The following DCAF8 variants were observed in gnomAD, a reference collection of about 807,000 sequenced individuals.
DCAF8 encodes the protein DDB1 and CUL4 associated factor 8.
In DCAF8, 20 loss-of-function variants were observed where a neutral mutation model predicts 68.0. The ratio of observed to expected loss-of-function variants is 0.29; its 90% CI spans 0.21 to 0.43. The LOEUF is 0.43. Ranked by LOEUF, DCAF8 falls within the 20% of genes least tolerant of loss-of-function variation. DCAF8 has a pLI of 1.00. For synonymous variants in DCAF8, 230 were observed against 276.9 expected (o/e 0.83, Z 1.68); for missense variants, 460 against 771.0 (o/e 0.60, Z 4.78).
chr1:160,223,353 G>A (rs1408639869), intron 10 of DCAF8, among the ~76,000 whole-genome samples: 1 of 152,142 alleles, frequency 6.6e-6, no homozygotes, highest in Admixed American at 6.5e-5. Context: ...TTATCTGCCT[G>A]TGTACTGAGA....
chr1:160,257,524 G>A (rs537068187), intron 2 of DCAF8, among the ~76,000 whole-genome samples: 11 of 152,172 alleles, frequency 7.2e-5, no homozygotes, highest in African/African-American at 1.4e-4. Flanking sequence ...CTTAGAGCAC[G>A]AAACTCAAGA....
chr1:160,220,322 T>C (rs1305110596), intron 11 of DCAF8: 2 of 152,232 alleles, frequency 1.3e-5, no homozygotes, highest in East Asian at 1.9e-4. Flanking sequence ...AATAAGCCCT[T>C]GTTACAGACC....
chr1:160,248,099 A>G (rs1349315955), intron 2 of DCAF8, among the ~76,000 whole-genome samples: 1 of 152,100 alleles, frequency 6.6e-6, no homozygotes, highest in Non-Finnish European at 1.5e-5. Context: ...TGAGGTCAGG[A>G]GTTCGAGATC....
intron 2 of DCAF8, among the ~76,000 whole-genome samples, chr1:160,257,205 T>C (rs946158043): frequency 1.3e-5 from 2 of 152,136 alleles, no homozygotes; most frequent in African/African-American, 2.4e-5. Flanking sequence ...ATTAATTCAG[T>C]TGCCTGTGTT....
At chr1:160,234,233 A>C (rs1056940806) in intron 6 of DCAF8, among the ~76,000 whole-genome samples, 3 of 120,586 alleles carry the variant, frequency 2.5e-5, no homozygotes, top group African/African-American at 1.1e-4. Flanking sequence ...AAAGAGTGAG[A>C]CTGCACCTCA....
chr1:160,231,342 G>A lies in DCAF8; in HGVS notation c.1025C>T (p.Ala342Val). The A allele has an allele frequency of 1.2e-6, 2 of 1,614,088 alleles. No homozygotes were observed. Among genetic ancestry groups the A allele is most frequent in the Non-Finnish European group, 1.7e-6 (2 of 1,179,994 alleles). Residue 342 changes from alanine to valine, a missense_variant, in exon 7 of 14, where the codon GCC becomes GTC. Ala to Val is a moderately conservative substitution (Grantham distance 64). Around this residue, in one of 8 missense-constraint regions of DCAF8, gnomAD observed 170 missense variants for 318.2 expected, o/e 0.53. Coordinates refer to ENST00000368074, the MANE Select transcript of DCAF8 (RefSeq NM_015726.4). ...VGLYTIYVNP[A>V]NTHQFAVGGR... ...ACCCACTGCAAACTGGTGGGTATTG[G>A]CAGGATTCACATAGATCGTATACAG...
intron 5 of DCAF8, 86 bp downstream of exon 5, chr1:160,238,521 C>A (rs1655970905): frequency 1.4e-6 from 2 of 1,407,058 alleles, no homozygotes; most frequent in East Asian, 2.6e-5. Context: ...ACAAATGTGA[C>A]ACAATGGGCA....
intron 6 of DCAF8, among the ~76,000 whole-genome samples, chr1:160,235,724 A>T (rs1655848893): frequency 6.6e-6 from 1 of 151,862 alleles, no homozygotes; most frequent in South Asian, 2.1e-4. Context: ...AAAGGTGTTC[A>T]AAATTACTTA....
intron 2 of DCAF8, among the ~76,000 whole-genome samples, chr1:160,245,200 T>C (rs2101750838): frequency 6.6e-6 from 1 of 152,366 alleles, no homozygotes; most frequent in East Asian, 1.9e-4. Flanking sequence ...ACTCACTTCC[T>C]TTTATGCCAC....
At chr1:160,245,725 T>C (rs1656298915) in intron 2 of DCAF8, among the ~76,000 whole-genome samples, 1 of 152,198 alleles carries the variant, frequency 6.6e-6, no homozygotes, top group African/African-American at 2.4e-5. Flanking sequence ...ATTTTTGAGG[T>C]AGACAGTTTT....
rs568303564 is a variant in DCAF8 at position 160,237,635 on chromosome 1, T to G, written c.865-406A>C. Among the ~76,000 whole-genome samples, 20 of 152,246 alleles carry G rather than the reference T, an allele frequency of 1.3e-4. No individual in the cohort carries two copies. The South Asian group carries it at 3.9e-3, about 30-fold the overall frequency. ...TCAACCTTGTGGGCTTAAGTGATCCTCCCACCTCAGCTGCCCAAGTAGCTG... is the reference window on the plus strand; with the variant it reads ...TCAACCTTGTGGGCTTAAGTGATCCGCCCACCTCAGCTGCCCAAGTAGCTG... On this transcript the variant is annotated intron_variant, in intron 5 of 13. Coordinates refer to ENST00000368074, the MANE Select transcript of DCAF8 (RefSeq NM_015726.4).
At chr1:160,224,395 C>T in intron 10 of DCAF8, 47 bp downstream of exon 10, 19 of 1,472,220 alleles carry the variant, frequency 1.3e-5, no homozygotes, top group Non-Finnish European at 1.7e-5. Flanking sequence ...TGTGGTTCTC[C>T]AAAGCCAACA....
chr1:160,219,140 C>T (rs1655217117), intron 11 of DCAF8, 172 bp from the exon 12 acceptor site: 2 of 788,684 alleles, frequency 2.5e-6, no homozygotes, highest in African/African-American at 3.5e-5. Context: ...GGTAGAGAAA[C>T]CAGACACAGA....
chr1:160,255,712 T>C (rs1656809022), intron 2 of DCAF8, among the ~76,000 whole-genome samples: 1 of 152,134 alleles, frequency 6.6e-6, no homozygotes, highest in Non-Finnish European at 1.5e-5. Flanking sequence ...CTCTGCCTTC[T>C]GGGTTCAAGC....
chr1:160,218,327 G>T lies in DCAF8; in HGVS notation c.1674C>A (p.His558Gln). ...TTCATTTCCAACCCTAGCTTACCCG[G>T]TGATGGCGTCTCTGTCTCAGGTGAT... Reference protein sequence around the residue: ...LMHHLRQRRHHRRWREPGVGA... With the variant: ...LMHHLRQRRHQRRWREPGVGA... The change falls in exon 13 of 14, where the codon CAC becomes CAA. Residue 558 changes from histidine (H) to glutamine (Q), a missense_variant. His to Gln is a conservative substitution (Grantham distance 24, BLOSUM62 0). Around this residue, in one of 8 missense-constraint regions of DCAF8, gnomAD observed 80 missense variants for 115.1 expected, o/e 0.70. Transcript: ENST00000368074. The T allele has an allele frequency of 6.2e-7, 1 of 1,613,006 alleles. No homozygotes were observed. The highest frequency in any genetic ancestry group is 8.5e-7 in the Non-Finnish European group (1 of 1,178,978).
chr1:160,218,265 C>G, intron 13 of DCAF8, 59 bp downstream of exon 13: 1 of 1,381,124 alleles, frequency 7.2e-7, no homozygotes, highest in Non-Finnish European at 1.0e-6. Context: ...TACTCTGGAA[C>G]TTTTTAGCCC....
intron 6 of DCAF8, among the ~76,000 whole-genome samples, chr1:160,233,443 A>T (rs963656073): frequency 3.3e-5 from 5 of 152,210 alleles, no homozygotes; most frequent in Non-Finnish European, 7.3e-5. Context: ...AATGAATGTC[A>T]TTAGGGGAAA....
At chr1:160,257,253 C>T (rs1224196979) in intron 2 of DCAF8, among the ~76,000 whole-genome samples, 3 of 150,636 alleles carry the variant, frequency 2.0e-5, no homozygotes, top group Non-Finnish European at 4.4e-5. Flanking sequence ...TATCTTAGCT[C>T]ACTGATAATC....
chr1:160,258,008 C>T (rs1233246547), intron 2 of DCAF8, among the ~76,000 whole-genome samples: 3 of 152,172 alleles, frequency 2.0e-5, no homozygotes, highest in Non-Finnish European at 2.9e-5. Flanking sequence ...GGGATTACAG[C>T]CATGAGCCAG....
Sources: allele counts gnomAD v4.1 joint callset (sites outside exome capture counted in the v4.1 genomes callset), GRCh38; gene constraint gnomAD v4.1.1; regional missense constraint gnomAD v4.1.1; transcripts MANE v1.5; gene names NCBI Gene and HGNC (gene_info 2026-07-23, HGNC 2026-07-21).